CRYZL1: variants seen among roughly 807,000 people sequenced by gnomAD.
CRYZL1 encodes ferry endosomal RAB5 effector complex subunit 4.
CRYZL1 carries 34 observed loss-of-function variants against 50.6 expected under a neutral mutation model. The observed-to-expected ratio is 0.67, with a 90% CI of 0.51 to 0.89. The LOEUF (loss-of-function observed/expected upper bound fraction) is 0.89. CRYZL1 is among the 40% of genes least tolerant of loss of function. The pLI is 0.00. For missense variants in CRYZL1, 354 were observed against 402.3 expected, an observed-to-expected ratio of 0.88 and a Z score of 1.03; for synonymous variants, 125 against 134.3, an observed-to-expected ratio of 0.93 and a Z score of 0.48.
At chr21:33,635,943 T>G (rs1032173550) in intron 1 of CRYZL1, among the ~76,000 whole-genome samples, 2 of 152,070 alleles carry the variant, frequency 1.3e-5, no homozygotes, top group African/African-American at 4.8e-5. Context: ...ATCGCGCCAC[T>G]GCACTCCAGC....
intron 4 of CRYZL1, among the ~76,000 whole-genome samples, chr21:33,620,005 G>A (rs1025535842): frequency 2.0e-5 from 3 of 152,170 alleles, no homozygotes; most frequent in Non-Finnish European, 2.9e-5. Context: ...AGAGTGAACC[G>A]TTTAAGGGCA....
At chr21:33,641,433 GGAGATGCAAACTGAGATAAGACCTACAA>G in intron 1 of CRYZL1, 1 of 1,201,668 alleles carries the variant, frequency 8.3e-7, no homozygotes, top group South Asian at 1.7e-5. Flanking sequence ...AAAAGTAGAG[GGAGATGCAAACTGAGATAAGACCTACAA>G]TCAAAACCCG....
intron 9 of CRYZL1, 121 bp from the exon 10 acceptor site, chr21:33,597,522 C>T: frequency 6.4e-6 from 5 of 776,666 alleles, no homozygotes; most frequent in Admixed American, 2.6e-5. Context: ...TACTATGTTG[C>T]CCAGGCTGGC....
At chr21:33,634,604 T>TA (rs552464964) in intron 1 of CRYZL1, among the ~76,000 whole-genome samples, 9,896 of 140,366 alleles carry the variant, frequency 0.071, 1,070 homozygotes, top group African/African-American at 0.23. Context: ...TATTATTAAA[T>TA]AAAAAAAAAA....
intron 3 of CRYZL1, among the ~76,000 whole-genome samples, chr21:33,622,365 G>C (rs1051653074): frequency 6.6e-6 from 1 of 152,096 alleles, no homozygotes; most frequent in Non-Finnish European, 1.5e-5. Flanking sequence ...GGGAAATTAT[G>C]GCCAAAACAT....
chr21:33,614,696 C>G (rs1199136764), intron 5 of CRYZL1, among the ~76,000 whole-genome samples: 2 of 152,018 alleles, frequency 1.3e-5, no homozygotes, highest in South Asian at 2.1e-4. Context: ...CTCAGCCTCC[C>G]GAGTAGCTGG....
At chr21:33,604,700 C>T (rs762313166) in intron 6 of CRYZL1, among the ~76,000 whole-genome samples, 19 of 152,140 alleles carry the variant, frequency 1.2e-4, no homozygotes, top group Non-Finnish European at 2.4e-4. Flanking sequence ...TGTTTTATGG[C>T]ATTCCAATAT....
intron 1 of CRYZL1, among the ~76,000 whole-genome samples, chr21:33,639,461 A>G (rs1167294820): frequency 6.6e-6 from 1 of 152,202 alleles, no homozygotes; most frequent in Non-Finnish European, 1.5e-5. Context: ...TCCCTTTATA[A>G]GGTGGCTTAA....
At chr21:33,610,042 A>G (rs941809512) in intron 6 of CRYZL1, among the ~76,000 whole-genome samples, 2 of 149,940 alleles carry the variant, frequency 1.3e-5, no homozygotes, top group African/African-American at 4.9e-5. Flanking sequence ...TTGCTGGTAG[A>G]GACAAGCAAG....
chr21:33,635,108 T>C (rs1601352642), intron 1 of CRYZL1, among the ~76,000 whole-genome samples: 2 of 151,892 alleles, frequency 1.3e-5, no homozygotes, highest in East Asian at 3.9e-4. Flanking sequence ...GAAATATTTG[T>C]CTTGAAAGCC....
At chr21:33,632,948 G>C (rs1601351324) in intron 1 of CRYZL1, among the ~76,000 whole-genome samples, 1 of 152,092 alleles carries the variant, frequency 6.6e-6, no homozygotes, top group Non-Finnish European at 1.5e-5. Context: ...TAACAGCACA[G>C]ATTAGTTTTG....
intron 3 of CRYZL1, 57 bp downstream of exon 3, chr21:33,624,626 A>G: frequency 1.3e-6 from 2 of 1,588,984 alleles, no homozygotes; most frequent in Non-Finnish European, 1.7e-6. Context: ...ATATTTATAC[A>G]CTAAATACAC....
chr21:33,609,894 G>C (rs928392091), intron 6 of CRYZL1, among the ~76,000 whole-genome samples: 1 of 151,650 alleles, frequency 6.6e-6, no homozygotes, highest in Non-Finnish European at 1.5e-5. Context: ...TTAGTAGAGA[G>C]GGGGTTTCAC....
intron 2 of CRYZL1, among the ~76,000 whole-genome samples, chr21:33,625,278 C>T (rs560757987): frequency 1.9e-4 from 29 of 151,866 alleles, no homozygotes; most frequent in Non-Finnish European, 3.8e-4. Context: ...GCCTCAGCCT[C>T]CACAGTAGCT....
intron 11 of CRYZL1, 107 bp from the exon 12 acceptor site, chr21:33,591,314 A>C: frequency 1.2e-6 from 1 of 808,068 alleles, no homozygotes; most frequent in Non-Finnish European, 2.1e-6. Flanking sequence ...CAAGTTTTGC[A>C]CTCTCAGAGA....
At position 33,613,945 on chromosome 21, in the gene CRYZL1, G is replaced by A. The variant is rs191805752; in HGVS notation, c.263-339C>T. 4.6e-5 allele frequency among the ~76,000 whole-genome samples: 7 copies of A among 152,284 alleles called. No individual in the cohort carries two copies. The East Asian group carries it at 1.2e-3, about 25-fold the overall frequency. Reference sequence around the variant, plus strand: ...CCCAGCACTTTGGGAGGCCGAGGCAGGTGAATCATGAGGTCAGGAGTTTGA... The same window carrying A: ...CCCAGCACTTTGGGAGGCCGAGGCAAGTGAATCATGAGGTCAGGAGTTTGA... On this transcript the variant is annotated intron_variant, in intron 5 of 12. Transcript: ENST00000381554.
At chr21:33,597,948 T>G (rs1221049397) in intron 9 of CRYZL1, among the ~76,000 whole-genome samples, 2 of 152,274 alleles carry the variant, frequency 1.3e-5, no homozygotes, top group African/African-American at 4.8e-5. Flanking sequence ...GAGGAAATAT[T>G]TTTCTTAGAA....
intron 1 of CRYZL1, among the ~76,000 whole-genome samples, chr21:33,637,543 T>C (rs2145967031): frequency 1.3e-5 from 2 of 151,674 alleles, no homozygotes; most frequent in South Asian, 4.2e-4. Context: ...ATGCTTTCAA[T>C]ACTCTCCCTC....
At chr21:33,609,763 C>T (rs890473586) in intron 6 of CRYZL1, among the ~76,000 whole-genome samples, 9 of 151,990 alleles carry the variant, frequency 5.9e-5, no homozygotes, top group African/African-American at 1.2e-4. Flanking sequence ...AGTGCAGTGG[C>T]GCGATCTCGG....
Sources: allele counts gnomAD v4.1 joint callset (sites outside exome capture counted in the v4.1 genomes callset), GRCh38; gene constraint gnomAD v4.1.1; transcripts MANE v1.5; gene names NCBI Gene and HGNC (gene_info 2026-07-23, HGNC 2026-07-21).